Variants in SAMMSON observed in about 807,000 individuals in gnomAD.
The protein encoded by SAMMSON is survival associated mitochondrial melanoma specific oncogenic non-coding RNA.
At chr3:70,078,481 C>T (rs2067256595) in intron 4 of SAMMSON, among the ~76,000 whole-genome samples, 1 of 152,032 alleles carries the variant, frequency 6.6e-6, no homozygotes, top group Admixed American at 6.6e-5. Flanking sequence ...TTGAAATTAG[C>T]TGTTCTGTAG....
chr3:70,096,761 G>T lies in SAMMSON; in HGVS notation n.507+25196G>T, dbSNP rs543606044. Among the ~76,000 whole-genome samples the T allele has an allele frequency of 2.0e-5, 3 of 152,276 alleles. 1 individual carries two copies. The South Asian group carries it at 6.2e-4, about 32-fold the overall frequency. On this transcript the variant is annotated intron_variant and non_coding_transcript_variant, in intron 4 of 9. Transcript: ENST00000642114. Reference sequence around the variant, plus strand: ...ATTAGTTAATTAACAGCAACATGTTGTTATTGTCCATGTAGCTCCTCATTC... The same window carrying T: ...ATTAGTTAATTAACAGCAACATGTTTTTATTGTCCATGTAGCTCCTCATTC...
At chr3:70,076,043 G>T (rs998750140) in intron 4 of SAMMSON, among the ~76,000 whole-genome samples, 1 of 152,012 alleles carries the variant, frequency 6.6e-6, no homozygotes, top group Non-Finnish European at 1.5e-5. Flanking sequence ...AGCAAATTCG[G>T]AGAGTTTAGA....
At chr3:70,418,795 G>A (rs1337845493) in intron 2 of SAMMSON, among the ~76,000 whole-genome samples, 1 of 152,106 alleles carries the variant, frequency 6.6e-6, no homozygotes, top group East Asian at 1.9e-4. Context: ...TTCCAGACAA[G>A]CCTTATCTGG....
chr3:70,117,834 C>G lies in SAMMSON; in HGVS notation n.507+46269C>G, dbSNP rs551444610. On this transcript the variant is annotated intron_variant and non_coding_transcript_variant, in intron 4 of 9. Transcript: ENST00000642114. Reference sequence around the variant, plus strand: ...AAGGAAATCTAATTTAAACCATTAACAAATTCTTTCTATGAAAAATATTTC... The same window carrying G: ...AAGGAAATCTAATTTAAACCATTAAGAAATTCTTTCTATGAAAAATATTTC... 5.3e-5 allele frequency among the ~76,000 whole-genome samples: 8 copies of G among 152,328 alleles called. No homozygotes were observed. In the East Asian group the frequency reaches 1.3e-3, roughly 26 times the overall value.
chr3:70,200,220 A>G (rs1432394882), intron 4 of SAMMSON, among the ~76,000 whole-genome samples: 1 of 152,018 alleles, frequency 6.6e-6, no homozygotes, highest in Non-Finnish European at 1.5e-5. Context: ...TGGCAAGGAC[A>G]CTCTGCTTCC....
chr3:70,183,616 G>A (rs536814810), intron 4 of SAMMSON: 3 of 152,280 alleles, frequency 2.0e-5, no homozygotes, highest in Non-Finnish European at 4.4e-5. Flanking sequence ...TACTTGAGGA[G>A]CAGCTTTCTC....
chr3:70,171,539 G>A (rs1388578285), intron 4 of SAMMSON, among the ~76,000 whole-genome samples: 1 of 151,752 alleles, frequency 6.6e-6, no homozygotes, highest in Admixed American at 6.6e-5. Context: ...GAAAATCTGA[G>A]TATAGTTTTG....
chr3:70,328,554 A>G (rs1702597640), intron 7 of SAMMSON, among the ~76,000 whole-genome samples: 1 of 152,180 alleles, frequency 6.6e-6, no homozygotes, highest in South Asian at 2.1e-4. Context: ...GATAAGAAAG[A>G]ACAGATTAAG....
chr3:70,371,740 CTT>C (rs1271492548), intron 9 of SAMMSON, among the ~76,000 whole-genome samples: 1 of 151,902 alleles, frequency 6.6e-6, no homozygotes, highest in Non-Finnish European at 1.5e-5. Flanking sequence ...TTCGTGGAGT[CTT>C]TTGGTTTTTC....
intron 1 of SAMMSON, among the ~76,000 whole-genome samples, chr3:70,000,420 G>C (rs1054440340): frequency 2.6e-5 from 4 of 152,082 alleles, no homozygotes; most frequent in Admixed American, 2.6e-4. Flanking sequence ...ATAATATAAT[G>C]GTACAATGAT....
chr3:70,425,400 A>ATTAT (rs140781474), intron 2 of SAMMSON, among the ~76,000 whole-genome samples: 3,429 of 150,666 alleles, frequency 0.023, 99 homozygotes, highest in African/African-American at 0.067. Context: ...CTATTTTTTT[A>ATTAT]TTATTTATTT....
At chr3:70,271,477 C>CA (rs1701975193) in intron 6 of SAMMSON, among the ~76,000 whole-genome samples, 1 of 151,972 alleles carries the variant, frequency 6.6e-6, no homozygotes, top group Non-Finnish European at 1.5e-5. Flanking sequence ...ATTTGTATGA[C>CA]AAATTTCTGA....
chr3:70,019,808 A>T (rs2067004184), intron 3 of SAMMSON, among the ~76,000 whole-genome samples: 1 of 152,198 alleles, frequency 6.6e-6, no homozygotes, highest in East Asian at 1.9e-4. Flanking sequence ...GTTCTTAGGA[A>T]TTAATATTCC....
chr3:70,113,359 A>T (rs1179402423), intron 4 of SAMMSON, among the ~76,000 whole-genome samples: 1 of 152,212 alleles, frequency 6.6e-6, no homozygotes, highest in African/African-American at 2.4e-5. Flanking sequence ...AAGCCAGAGT[A>T]AATAATGGGC....
chr3:70,203,904 T>C (rs1161475103), intron 4 of SAMMSON, among the ~76,000 whole-genome samples: 1 of 152,052 alleles, frequency 6.6e-6, no homozygotes, highest in Non-Finnish European at 1.5e-5. Context: ...AGTGGGGACA[T>C]GGATAGTCCT....
chr3:70,362,664 G>A (rs1044805353), intron 9 of SAMMSON, among the ~76,000 whole-genome samples: 1 of 151,978 alleles, frequency 6.6e-6, no homozygotes, highest in African/African-American at 2.4e-5. Flanking sequence ...GTGTGTATGT[G>A]TGTATGTATG....
Position 70,190,286 on chromosome 3 carries a change from A to T in SAMMSON, n.508-58821A>T, listed in dbSNP as rs372817851. Among the ~76,000 whole-genome samples, 49 of 152,092 alleles carry T rather than the reference A, an allele frequency of 3.2e-4. No homozygotes were observed. In the South Asian group the frequency reaches 0.01, roughly 32 times the overall value. ...TCCTATTTCAAGCCTTCATCACCCC[A>T]TGCCTTATTGCAATTGCACCTTTCT... On this transcript the variant is annotated intron_variant and non_coding_transcript_variant, in intron 4 of 9. Coordinates refer to ENST00000642114, the Ensembl canonical transcript of SAMMSON.
chr3:70,296,188 C>T (rs1049193764), intron 7 of SAMMSON, among the ~76,000 whole-genome samples: 2 of 152,096 alleles, frequency 1.3e-5, no homozygotes, highest in Non-Finnish European at 2.9e-5. Context: ...GAGTCTTTTA[C>T]CCATATCACT....
chr3:70,226,627 T>C (rs1439706930), intron 4 of SAMMSON, among the ~76,000 whole-genome samples: 2 of 150,844 alleles, frequency 1.3e-5, no homozygotes, highest in African/African-American at 4.9e-5. Context: ...AATCCCAGCT[T>C]CTCGGGAGGC....
Sources: allele counts gnomAD v4.1 joint callset (sites outside exome capture counted in the v4.1 genomes callset), GRCh38; gene constraint gnomAD v4.1.1; transcripts MANE v1.5; gene names NCBI Gene and HGNC (gene_info 2026-07-23, HGNC 2026-07-21).